The following PLBD1 variants were observed in gnomAD, a reference collection of about 807,000 sequenced individuals.
PLBD1 encodes phospholipase B domain containing 1.
In PLBD1, 60 loss-of-function variants were observed where a neutral mutation model predicts 63.0. That is an observed-to-expected ratio of 0.95 (90% CI 0.77 to 1.18). The LOEUF (loss-of-function observed/expected upper bound fraction) is 1.18, where lower values mean the gene tolerates loss of function less well. Ranked by LOEUF, PLBD1 falls within the 50% of genes most tolerant of loss-of-function variation. PLBD1 has a pLI of 0.00. For synonymous variants in PLBD1, 262 were observed against 248.0 expected (o/e 1.06, Z -0.53); for missense variants, 598 against 677.9 (o/e 0.88, Z 1.31).
intron 6 of PLBD1, among the ~76,000 whole-genome samples, chr12:14,528,617 T>C (rs1945435374): frequency 6.6e-6 from 1 of 152,192 alleles, no homozygotes; most frequent in Non-Finnish European, 1.5e-5. Context: ...TATCATTTTA[T>C]TTGCTTATGA....
intron 9 of PLBD1, 58 bp from the exon 10 acceptor site, chr12:14,506,326 C>T: frequency 7.8e-7 from 1 of 1,289,998 alleles, no homozygotes; most frequent in East Asian, 2.3e-5. Context: ...CACACTTCTC[C>T]ACAGTAAGGT....
intron 6 of PLBD1, among the ~76,000 whole-genome samples, chr12:14,523,617 G>A (rs1284452088): frequency 6.6e-6 from 1 of 152,078 alleles, no homozygotes; most frequent in Non-Finnish European, 1.5e-5. Context: ...CATAGTACTG[G>A]CATAAAAATA....
intron 6 of PLBD1, among the ~76,000 whole-genome samples, chr12:14,513,281 A>T (rs1945312469): frequency 6.6e-6 from 1 of 152,246 alleles, no homozygotes; most frequent in Non-Finnish European, 1.5e-5. Flanking sequence ...TAACATATGC[A>T]CTACTTAATA....
At chr12:14,561,718 GGCTA>G (rs1945743397) in intron 1 of PLBD1, among the ~76,000 whole-genome samples, 1 of 152,108 alleles carries the variant, frequency 6.6e-6, no homozygotes, top group South Asian at 2.1e-4. Flanking sequence ...CGCCACACCT[GGCTA>G]ATTTTGTATT....
intron 9 of PLBD1, 130 bp from the exon 10 acceptor site, chr12:14,506,398 G>C: frequency 1.5e-6 from 1 of 645,434 alleles, no homozygotes; most frequent in Non-Finnish European, 2.6e-6. Context: ...CCTCAGCCCA[G>C]TCTGCTTCCA....
intron 6 of PLBD1, among the ~76,000 whole-genome samples, chr12:14,526,528 G>A (rs565787186): frequency 1.3e-5 from 2 of 152,124 alleles, no homozygotes; most frequent in Non-Finnish European, 2.9e-5. Context: ...CTCTAAAGTG[G>A]AGCACTTACA....
intron 6 of PLBD1, among the ~76,000 whole-genome samples, chr12:14,520,863 G>T (rs968766055): frequency 6.6e-6 from 1 of 152,150 alleles, no homozygotes; most frequent in African/African-American, 2.4e-5. Flanking sequence ...CACAAGTCAT[G>T]AACCCATTCT....
chr12:14,522,741 C>G (rs1945386828), intron 6 of PLBD1, among the ~76,000 whole-genome samples: 1 of 151,994 alleles, frequency 6.6e-6, no homozygotes, highest in African/African-American at 2.4e-5. Context: ...ATCATATTAA[C>G]AGAATCAAGG....
At position 14,506,270 on chromosome 12, in the gene PLBD1, T is replaced by TAGGAAAC. The variant is rs3835045; in HGVS notation, c.1373-9_1373-3dup. 191 of 1,587,900 alleles carry TAGGAAAC rather than the reference T, an allele frequency of 1.2e-4. No homozygotes were observed. The East Asian group carries it at 4.1e-3, about 34-fold the overall frequency. Reference sequence around the variant, plus strand: ...TACTGTAAGGATCCTTCTTATAATCTAGGAAACAGAAATGGGGAAGAGAGT... The same window carrying TAGGAAAC: ...TACTGTAAGGATCCTTCTTATAATCTAGGAAACAGGAAACAGAAATGGGGAAGAGAGT... On this transcript the variant is annotated splice_polypyrimidine_tract_variant and splice_region_variant and intron_variant, in intron 9 of 10. Transcript: ENST00000240617.
intron 4 of PLBD1, among the ~76,000 whole-genome samples, chr12:14,539,637 T>C (rs1445124663): frequency 6.6e-6 from 1 of 151,382 alleles, no homozygotes; most frequent in Non-Finnish European, 1.5e-5. Flanking sequence ...AATACAAAAA[T>C]TAGTTGGGTG....
chr12:14,520,881 T>G (rs1435803259), intron 6 of PLBD1, among the ~76,000 whole-genome samples: 1 of 152,198 alleles, frequency 6.6e-6, no homozygotes, highest in Non-Finnish European at 1.5e-5. Context: ...TCTAGGGAGC[T>G]GCCTGGCATT....
intron 4 of PLBD1, among the ~76,000 whole-genome samples, chr12:14,539,741 A>AT (rs1243123850): frequency 1.3e-5 from 2 of 151,240 alleles, no homozygotes; most frequent in Non-Finnish European, 2.9e-5. Context: ...AGCCAAGATC[A>AT]TGCCACTGCA....
At chr12:14,539,206 T>C (rs1225462704) in intron 4 of PLBD1, among the ~76,000 whole-genome samples, 1 of 152,106 alleles carries the variant, frequency 6.6e-6, no homozygotes, top group African/African-American at 2.4e-5. Context: ...CAGATGATAT[T>C]ATACATCTGA....
In PLBD1 at chr12:14,514,670, G is replaced by A. The variant is rs140380148; in HGVS notation, c.845-2959C>T. 1.0e-3 allele frequency among the ~76,000 whole-genome samples: 152 copies of A among 152,206 alleles called. 1 individual carries two copies. The highest frequency in any genetic ancestry group is 3.6e-3 in the African/African-American group (148 of 41,552). ...TAATAAAGAAAAGGCCCAGAGATGG[G>A]ACAAAGTTCTGACACATTGCCTTTG... On this transcript the variant is annotated intron_variant, in intron 6 of 10. Transcript: ENST00000240617.
At chr12:14,561,847 C>T (rs1397219535) in intron 1 of PLBD1, among the ~76,000 whole-genome samples, 1 of 152,200 alleles carries the variant, frequency 6.6e-6, no homozygotes, top group South Asian at 2.1e-4. Context: ...TGAGCCACTG[C>T]ACCTGGCCTG....
At chr12:14,553,512 A>G in intron 1 of PLBD1, 100 bp from the exon 2 acceptor site, 1 of 950,032 alleles carries the variant, frequency 1.1e-6, no homozygotes, top group Non-Finnish European at 1.6e-6. Context: ...GCTTTTAAAG[A>G]TTTCCATTCT....
chr12:14,539,556 C>T (rs1018777815), intron 4 of PLBD1, among the ~76,000 whole-genome samples: 7 of 151,758 alleles, frequency 4.6e-5, no homozygotes, highest in African/African-American at 1.7e-4. Flanking sequence ...GAGGTTGAGG[C>T]GGATGGATCT....
At chr12:14,553,546 T>G (rs1172734452) in intron 1 of PLBD1, 134 bp from the exon 2 acceptor site, 10 of 763,148 alleles carry the variant, frequency 1.3e-5, no homozygotes, top group Non-Finnish European at 2.1e-5. Flanking sequence ...AATCTGCCGT[T>G]ACAGTTTGCC....
At chr12:14,560,015 C>T (rs1393424272) in intron 1 of PLBD1, among the ~76,000 whole-genome samples, 1 of 152,092 alleles carries the variant, frequency 6.6e-6, no homozygotes, top group African/African-American at 2.4e-5. Flanking sequence ...CATGCGCCGC[C>T]ACGCCTGGCT....
Sources: gnomAD v4.1 joint callset for allele counts (sites outside exome capture counted in the v4.1 genomes callset) on GRCh38, gnomAD v4.1.1 for gene constraint, MANE v1.5 for transcripts, NCBI Gene and HGNC (gene_info 2026-07-23, HGNC 2026-07-21) for gene names.